EGFLAM: variants seen among roughly 807,000 people sequenced by gnomAD.
The protein encoded by EGFLAM is pikachurin.
In EGFLAM, 79 loss-of-function variants were observed where a neutral mutation model predicts 113.1. The ratio of observed to expected loss-of-function variants is 0.70; its 90% confidence interval spans 0.58 to 0.84. The LOEUF is 0.84. EGFLAM is among the 40% of genes least tolerant of loss of function. The pLI is 0.00. For missense variants in EGFLAM, 1,265 were observed against 1,291.6 expected (o/e 0.98, Z 0.32); for synonymous variants, 504 against 487.6 (o/e 1.03, Z -0.44).
chr5:38,353,086 T>A (rs1442348812), intron 5 of EGFLAM, among the ~76,000 whole-genome samples: 1 of 152,234 alleles, frequency 6.6e-6, no homozygotes, highest in African/African-American at 2.4e-5. Context: ...TTGGGACAAG[T>A]GTCTTGGTTT....
chr5:38,260,522 T>C (rs1342490115), intron 1 of EGFLAM, among the ~76,000 whole-genome samples: 10 of 152,342 alleles, frequency 6.6e-5, no homozygotes. Flanking sequence ...CTCATTCTGA[T>C]ATTCATGCCA....
At chr5:38,463,800 G>T in intron 21 of EGFLAM, 32 bp from the exon 22 acceptor site, 1 of 1,607,912 alleles carries the variant, frequency 6.2e-7, no homozygotes, top group Non-Finnish European at 8.5e-7. Flanking sequence ...CTGTCCTTTG[G>T]CTCACCTCAT....
intron 3 of EGFLAM, among the ~76,000 whole-genome samples, chr5:38,340,057 G>A (rs1739297046): frequency 6.6e-6 from 1 of 152,166 alleles, no homozygotes; most frequent in South Asian, 2.1e-4. Context: ...CTGGAACCCA[G>A]TCCAGGTATC....
At chr5:38,457,249 A>G (rs1462173692) in intron 19 of EGFLAM, among the ~76,000 whole-genome samples, 1 of 152,252 alleles carries the variant, frequency 6.6e-6, no homozygotes, top group East Asian at 1.9e-4. Flanking sequence ...AAGTGAAAAC[A>G]GATGCATTCA....
At chr5:38,359,665 ACT>A (rs1739870100) in intron 5 of EGFLAM, among the ~76,000 whole-genome samples, 2 of 152,182 alleles carry the variant, frequency 1.3e-5, no homozygotes, top group East Asian at 3.9e-4. Context: ...ACAGAGTGAG[ACT>A]CTCTCAAACA....
At chr5:38,452,121 C>T (rs1010282715) in intron 19 of EGFLAM, among the ~76,000 whole-genome samples, 2 of 149,658 alleles carry the variant, frequency 1.3e-5, no homozygotes, top group Non-Finnish European at 3.0e-5. Context: ...ACTGCAACCT[C>T]TGCCTTCTGG....
At chr5:38,334,807 A>G (rs947877983) in intron 1 of EGFLAM, among the ~76,000 whole-genome samples, 1 of 152,254 alleles carries the variant, frequency 6.6e-6, no homozygotes, top group South Asian at 2.1e-4. Flanking sequence ...AAACTTCTAA[A>G]TTGGTTAATT....
At chr5:38,279,369 A>G (rs1188789302) in intron 1 of EGFLAM, among the ~76,000 whole-genome samples, 5 of 152,364 alleles carry the variant, frequency 3.3e-5, no homozygotes, top group East Asian at 3.9e-4. Context: ...TAGTGGGCAT[A>G]TATCAAAAGG....
intron 1 of EGFLAM, among the ~76,000 whole-genome samples, chr5:38,263,891 T>C (rs1211280025): frequency 6.6e-6 from 1 of 152,172 alleles, no homozygotes; most frequent in East Asian, 1.9e-4. Flanking sequence ...TGGGAGGTGG[T>C]ACATCAGAGG....
At chr5:38,360,819 A>ATTATTTAT (rs141116123) in intron 5 of EGFLAM, among the ~76,000 whole-genome samples, 53 of 141,900 alleles carry the variant, frequency 3.7e-4, no homozygotes, top group East Asian at 8.3e-4. Flanking sequence ...GTGTTTTGAA[A>ATTATTTAT]TTATTTATTT....
At chr5:38,259,201 C>A (rs542351354) in intron 1 of EGFLAM, among the ~76,000 whole-genome samples, 1 of 152,300 alleles carries the variant, frequency 6.6e-6, no homozygotes, top group Non-Finnish European at 1.5e-5. Context: ...GCCCCTCCTG[C>A]GTCTCCAAAC....
chr5:38,280,619 C>CT (rs1440967931), intron 1 of EGFLAM, among the ~76,000 whole-genome samples: 1 of 152,208 alleles, frequency 6.6e-6, no homozygotes. Flanking sequence ...TGACACCACT[C>CT]TCCAGTTGCA....
At position 38,350,521 on chromosome 5, in the gene EGFLAM, G is replaced by A; in HGVS notation, c.312G>A (p.Leu104=). ...GACAGGAGGAAGTGATTGGAGATTT[G>A]AAACCAGGCACTGAATATCGTGTGA... ...IPTTEEVIGD[L]KPGTEYRVSI... is the part of the protein sequence containing the mutation. The change falls in exon 4 of 22, where the codon TTG becomes TTA. Residue 104 remains leucine (L), a synonymous_variant. Coordinates refer to ENST00000322350, the MANE Select transcript of EGFLAM (RefSeq NM_152403.4). 1.9e-6 allele frequency: 3 copies of A among 1,613,884 alleles called. No homozygotes were observed. Among genetic ancestry groups the A allele is most frequent in the Non-Finnish European group, 2.5e-6 (3 of 1,179,896 alleles).
chr5:38,376,876 G>C (rs191342846), intron 6 of EGFLAM, among the ~76,000 whole-genome samples: 100 of 152,178 alleles, frequency 6.6e-4, no homozygotes, highest in Middle Eastern at 6.8e-3. Flanking sequence ...TCACCATGTT[G>C]CCCAGGCTGG....
chr5:38,458,202 C>A, intron 19 of EGFLAM, 109 bp from the exon 20 acceptor site: 1 of 900,684 alleles, frequency 1.1e-6, no homozygotes, highest in Non-Finnish European at 1.6e-6. Flanking sequence ...AAGGAAACTG[C>A]ACTCTGAGTT....
intron 6 of EGFLAM, among the ~76,000 whole-genome samples, chr5:38,398,402 A>G (rs939302749): frequency 6.6e-6 from 1 of 152,232 alleles, no homozygotes; most frequent in Non-Finnish European, 1.5e-5. Flanking sequence ...ACATTTATGA[A>G]ATCATCACAT....
chr5:38,444,631 G>A (rs1028598595), intron 17 of EGFLAM, among the ~76,000 whole-genome samples: 3 of 152,168 alleles, frequency 2.0e-5, no homozygotes, highest in African/African-American at 4.8e-5. Flanking sequence ...AAAAAAATTA[G>A]GTATAGGGTT....
At chr5:38,456,161 C>T (rs773934096) in intron 19 of EGFLAM, among the ~76,000 whole-genome samples, 1 of 152,110 alleles carries the variant, frequency 6.6e-6, no homozygotes, top group African/African-American at 2.4e-5. Context: ...CATTTGGCTC[C>T]TACGATGTGC....
Position 38,436,663 on chromosome 5 carries a change from C to T in EGFLAM, c.2283+1410C>T, listed in dbSNP as rs183410583. On this transcript the variant is annotated intron_variant, in intron 16 of 21. Coordinates refer to ENST00000322350, the MANE Select transcript of EGFLAM (RefSeq NM_152403.4). Reference sequence around the variant, plus strand: ...TTCTCAGGCTGTGCCCTCCCCTTCACGCAGCACACACAACCCTCTCCCTAT... The same window carrying T: ...TTCTCAGGCTGTGCCCTCCCCTTCATGCAGCACACACAACCCTCTCCCTAT... Among the ~76,000 whole-genome samples the T allele has an allele frequency of 2.9e-4, 44 of 152,328 alleles. 1 individual carries two copies. In the East Asian group the frequency reaches 5.2e-3, roughly 18 times the overall value.
Sources: gnomAD v4.1 joint callset for allele counts (sites outside exome capture counted in the v4.1 genomes callset) on GRCh38, gnomAD v4.1.1 for gene constraint, MANE v1.5 for transcripts, NCBI Gene and HGNC (gene_info 2026-07-23, HGNC 2026-07-21) for gene names.